The following NQO1 variants were observed in gnomAD, a reference collection of about 807,000 sequenced individuals.
NQO1 encodes the protein NAD(P)H quinone dehydrogenase 1.
A neutral mutation model predicts 32.1 loss-of-function variants in NQO1; 30 were observed. That is an observed-to-expected ratio of 0.94 (90% CI 0.70 to 1.27). The LOEUF is 1.27. NQO1 is among the 50% of genes most tolerant of loss of function. NQO1 has a pLI of 0.00. For missense variants in NQO1, 276 were observed against 331.3 expected (o/e 0.83, Z 1.30); for synonymous variants, 109 against 119.7 (o/e 0.91, Z 0.59).
At position 69,718,357 on chromosome 16, in the gene NQO1, G is replaced by A. The variant is rs1212299559; in HGVS notation, c.172+13C>T. On this transcript the variant is annotated intron_variant, in intron 2 of 5. Coordinates refer to ENST00000320623, the MANE Select transcript of NQO1 (RefSeq NM_000903.3). Reference sequence around the variant, plus strand: ...AAGAACTAATTAAAGAGGGGAGGAGGAACTCCTCCTACCTGTGATGTCCTT... The same window carrying A: ...AAGAACTAATTAAAGAGGGGAGGAGAAACTCCTCCTACCTGTGATGTCCTT... 33 of 1,606,574 alleles carry A rather than the reference G, an allele frequency of 2.1e-5. No individual in the cohort carries two copies. Among genetic ancestry groups the A allele is most frequent in the Non-Finnish European group, 2.6e-5 (31 of 1,173,176 alleles).
intron 1 of NQO1, among the ~76,000 whole-genome samples, chr16:69,726,023 CCA>C (rs1185074083): frequency 1.3e-5 from 2 of 152,246 alleles, no homozygotes; most frequent in Non-Finnish European, 2.9e-5. Context: ...AGCTCGGAAT[CCA>C]CATTTTTAAG....
intron 1 of NQO1, among the ~76,000 whole-genome samples, chr16:69,720,399 T>A (rs2038172900): frequency 2.9e-5 from 4 of 137,542 alleles, no homozygotes; most frequent in Non-Finnish European, 4.7e-5. Context: ...ATGAAAGAAG[T>A]GAGAGGAAGG....
chr16:69,712,873 G>A (rs967159640), intron 5 of NQO1, among the ~76,000 whole-genome samples, 155 bp downstream of exon 5: 3 of 152,182 alleles, frequency 2.0e-5, no homozygotes, highest in Non-Finnish European at 2.9e-5. Flanking sequence ...GAGTGTGGTG[G>A]CGGGTGCCTG....
intron 3 of NQO1, 42 bp from the exon 4 acceptor site, chr16:69,715,119 CCCAAG>C (rs773336257): frequency 1.3e-6 from 2 of 1,515,034 alleles, no homozygotes; most frequent in Non-Finnish European, 1.8e-6. Context: ...CCAGGGGCTC[CCCAAG>C]CCCAGAAGGT....
intron 1 of NQO1, among the ~76,000 whole-genome samples, chr16:69,723,670 C>T (rs186808135): frequency 2.6e-5 from 4 of 151,804 alleles, no homozygotes; most frequent in South Asian, 2.1e-4. Flanking sequence ...GGTGTAGTGG[C>T]AGGTGCCTGT....
chr16:69,720,052 A>G lies in NQO1; in HGVS notation c.8-1518T>C, dbSNP rs185144943. The stretch of plus-strand genomic sequence containing the variant: ...AACATTGCTTGAGCCCAGGAGTTCA[A>G]GACCAGCCTGGGCAACATGACAAAA... On this transcript the variant is annotated intron_variant, in intron 1 of 5. Coordinates refer to ENST00000320623, the MANE Select transcript of NQO1 (RefSeq NM_000903.3). Among the ~76,000 whole-genome samples, 16 of 152,272 alleles carry G rather than the reference A, an allele frequency of 1.1e-4. No homozygotes were observed. The East Asian group carries it at 2.5e-3, about 24-fold the overall frequency.
intron 3 of NQO1, among the ~76,000 whole-genome samples, chr16:69,717,367 G>C (rs571216560): frequency 3.3e-5 from 5 of 152,178 alleles, no homozygotes; most frequent in Non-Finnish European, 7.3e-5. Context: ...CAGCTGGCAG[G>C]CTACAATGGC....
At chr16:69,724,960 C>A (rs559499553) in intron 1 of NQO1, among the ~76,000 whole-genome samples, 1 of 152,110 alleles carries the variant, frequency 6.6e-6, no homozygotes, top group Non-Finnish European at 1.5e-5. Flanking sequence ...TTAAGCTACA[C>A]GTAAATACAG....
Position 69,714,500 on chromosome 16 carries a change from A to G in NQO1, c.417+464T>C, listed in dbSNP as rs1014795567. 1.1e-4 allele frequency among the ~76,000 whole-genome samples: 17 copies of G among 151,978 alleles called. 2 individuals carry two copies. The highest frequency in any genetic ancestry group is 3.9e-4 in the East Asian group (2 of 5,132). ...GAGCATTTTAAAACAAATCCCAAAC[A>G]TCATGTCATTCCATCTGTAAAAACT... On this transcript the variant is annotated intron_variant, in intron 4 of 5. Coordinates refer to ENST00000320623, the MANE Select transcript of NQO1 (RefSeq NM_000903.3).
At chr16:69,726,391 C>G (rs751443800) in intron 1 of NQO1, 42 bp downstream of exon 1, 1 of 1,610,652 alleles carries the variant, frequency 6.2e-7, no homozygotes, top group African/African-American at 1.3e-5. Context: ...CACCAGTGCT[C>G]GAGAGACGAC....
At chr16:69,715,842 T>A (rs2038105696) in intron 3 of NQO1, among the ~76,000 whole-genome samples, 2 of 152,044 alleles carry the variant, frequency 1.3e-5, no homozygotes, top group South Asian at 4.1e-4. Context: ...TCACTTAGAA[T>A]AAACAAAATC....
chr16:69,715,666 G>T lies in NQO1; in HGVS notation c.304-589C>A, dbSNP rs143321652. Among the ~76,000 whole-genome samples the T allele has an allele frequency of 2.2e-3, 339 of 152,324 alleles. 2 individuals are homozygous for T. Among genetic ancestry groups the T allele is most frequent in the South Asian group, 5.8e-3 (28 of 4,830 alleles). On this transcript the variant is annotated intron_variant, in intron 3 of 5. Transcript: ENST00000320623. ...GCCTGTAGTCCTAGCTACTCGGGCT[G>T]TTGAGGCAGGAGAATCACTTGAACC...
At position 69,711,230 on chromosome 16, in the gene NQO1, A is replaced by G; in HGVS notation, c.571T>C (p.Tyr191His). Reference sequence around the variant, plus strand: ...TCTGCTGGAGTGTGCCCAATGCTATATGTCAGTTGAGGTTCTAAGACTTGG... The same window carrying G: ...TCTGCTGGAGTGTGCCCAATGCTATGTGTCAGTTGAGGTTCTAAGACTTGG... ...GFQVLEPQLTYSIGHTPADAR... is the reference protein window; with the variant it reads ...GFQVLEPQLTHSIGHTPADAR... Residue 191 changes from tyrosine to histidine, a missense_variant, in exon 6 of 6, where the codon TAT (tyrosine) becomes CAT (histidine). Transcript: ENST00000320623. 6.2e-7 allele frequency: 1 copy of G among 1,612,984 alleles called. No individual in the cohort carries two copies.
intron 1 of NQO1, among the ~76,000 whole-genome samples, chr16:69,724,081 A>G (rs2038228929): frequency 6.6e-6 from 1 of 151,708 alleles, no homozygotes; most frequent in Non-Finnish European, 1.5e-5. Flanking sequence ...TGGGAGACCG[A>G]GGCGGGTGGA....
At chr16:69,712,599 A>G (rs959960147) in intron 5 of NQO1, among the ~76,000 whole-genome samples, 3 of 152,232 alleles carry the variant, frequency 2.0e-5, no homozygotes, top group African/African-American at 4.8e-5. Context: ...CATCATTCTG[A>G]ATTATGACCA....
At chr16:69,724,844 A>G (rs77230843) in intron 1 of NQO1, among the ~76,000 whole-genome samples, 6,658 of 152,288 alleles carry the variant, frequency 0.044, 503 homozygotes, top group African/African-American at 0.15. Context: ...AAAAACCTGG[A>G]TGCTTTAGTT....
Position 69,710,952 on chromosome 16 carries a change from G to C in NQO1, c.*24C>G, listed in dbSNP as rs3191214. On this transcript the variant is annotated 3_prime_UTR_variant, in exon 6 of 6. Transcript: ENST00000320623. ...GATACCCAGATTTGATAACATGTTA[G>C]AAGGAAATCCAGGCTAAGGAATCTC... 9 of 1,593,986 alleles carry C rather than the reference G, an allele frequency of 5.6e-6. No individual in the cohort carries two copies. Among genetic ancestry groups the C allele is most frequent in the Non-Finnish European group, 4.3e-6 (5 of 1,169,692 alleles).
At chr16:69,724,816 A>T (rs1323128208) in intron 1 of NQO1, among the ~76,000 whole-genome samples, 1 of 152,202 alleles carries the variant, frequency 6.6e-6, no homozygotes, top group African/African-American at 2.4e-5. Context: ...AATCAGATGC[A>T]TCTATTAGTT....
chr16:69,718,330 C>T (rs375394151), intron 2 of NQO1, 40 bp downstream of exon 2: 10 of 1,613,514 alleles, frequency 6.2e-6, no homozygotes, highest in Middle Eastern at 1.7e-4. Flanking sequence ...AGGAGATCCG[C>T]AAAGAACTAA....
Sources: allele counts gnomAD v4.1 joint callset (sites outside exome capture counted in the v4.1 genomes callset), GRCh38; gene constraint gnomAD v4.1.1; transcripts MANE v1.5; gene names NCBI Gene and HGNC (gene_info 2026-07-23, HGNC 2026-07-21).